Variants in PGM5 observed in about 807,000 individuals in gnomAD.
PGM5 encodes phosphoglucomutase-like protein 5.
PGM5 carries 23 observed loss-of-function variants against 59.2 expected under a neutral mutation model. The ratio of observed to expected loss-of-function variants is 0.39; its 90% CI spans 0.28 to 0.55. PGM5 has a LOEUF of 0.55. Among genes scored for constraint, PGM5 ranks in the 20% least tolerant of loss-of-function variants. The probability of loss-of-function intolerance (pLI) is 0.66; values close to 1 mark genes in which losing one functional copy is unlikely to be tolerated. For missense variants in PGM5, 574 were observed against 748.3 expected (o/e 0.77, Z 2.72); for synonymous variants, 214 against 286.0 (o/e 0.75, Z 2.54).
intron 6 of PGM5, among the ~76,000 whole-genome samples, chr9:68,457,581 T>C (rs1823798695): frequency 6.6e-6 from 1 of 152,244 alleles, no homozygotes; most frequent in African/African-American, 2.4e-5. Flanking sequence ...CCCTCATGTC[T>C]TATGACATAG....
intron 6 of PGM5, among the ~76,000 whole-genome samples, chr9:68,449,175 A>G (rs1375116653): frequency 1.3e-5 from 2 of 152,212 alleles, no homozygotes; most frequent in Non-Finnish European, 2.9e-5. Flanking sequence ...CTTCACCTTC[A>G]TGAACTAATC....
intron 7 of PGM5, among the ~76,000 whole-genome samples, chr9:68,475,847 A>G (rs1189227656): frequency 6.6e-6 from 1 of 152,178 alleles, no homozygotes; most frequent in African/African-American, 2.4e-5. Context: ...GTGAGACCCC[A>G]TCTCTAAAAA....
chr9:68,473,794 A>G (rs375371558), intron 7 of PGM5, among the ~76,000 whole-genome samples: 1 of 152,136 alleles, frequency 6.6e-6, no homozygotes, highest in Admixed American at 6.5e-5. Context: ...AACCAGGATA[A>G]GTTGGTCACT....
intron 6 of PGM5, among the ~76,000 whole-genome samples, chr9:68,425,982 G>A (rs1269552314): frequency 6.6e-6 from 1 of 152,096 alleles, no homozygotes; most frequent in African/African-American, 2.4e-5. Context: ...TTTTTATAGT[G>A]GTAGTGGTTG....
At chr9:68,490,429 A>T (rs1356697571) in intron 9 of PGM5, among the ~76,000 whole-genome samples, 1 of 152,186 alleles carries the variant, frequency 6.6e-6, no homozygotes, top group Non-Finnish European at 1.5e-5. Flanking sequence ...TCACTGCAAC[A>T]CTGCAACCTC....
chr9:68,404,663 G>A (rs1401942737), intron 6 of PGM5, among the ~76,000 whole-genome samples: 11 of 152,174 alleles, frequency 7.2e-5, no homozygotes, highest in African/African-American at 2.4e-4. Context: ...GCTGCCTGAC[G>A]ATTAAATTTG....
intron 6 of PGM5, among the ~76,000 whole-genome samples, chr9:68,418,042 C>T (rs1007108975): frequency 6.6e-6 from 1 of 152,236 alleles, no homozygotes; most frequent in Non-Finnish European, 1.5e-5. Flanking sequence ...TCTTGTTTTG[C>T]TGTTTCTCCC....
chr9:68,527,086 G>C (rs984620297), intron 10 of PGM5, among the ~76,000 whole-genome samples: 1 of 152,162 alleles, frequency 6.6e-6, no homozygotes, highest in Non-Finnish European at 1.5e-5. Flanking sequence ...TGGAAAGCAC[G>C]CGTTAGTTTG....
chr9:68,359,833 CT>C (rs1310648473), intron 1 of PGM5, among the ~76,000 whole-genome samples: 1 of 152,174 alleles, frequency 6.6e-6, no homozygotes, highest in African/African-American at 2.4e-5. Flanking sequence ...AAGCAATTTT[CT>C]TTTTTTAAAT....
At chr9:68,515,603 A>T (rs1196477301) in intron 10 of PGM5, among the ~76,000 whole-genome samples, 1 of 152,184 alleles carries the variant, frequency 6.6e-6, no homozygotes. Context: ...GTTGCACACA[A>T]ACAGAAATGC....
At chr9:68,424,825 G>C (rs1055473435) in intron 6 of PGM5, among the ~76,000 whole-genome samples, 1 of 152,188 alleles carries the variant, frequency 6.6e-6, no homozygotes, top group Non-Finnish European at 1.5e-5. Context: ...TAGGGGACTA[G>C]TGGGAGGTTG....
chr9:68,433,974 A>G (rs1219568890), intron 6 of PGM5, among the ~76,000 whole-genome samples: 1 of 152,188 alleles, frequency 6.6e-6, no homozygotes, highest in African/African-American at 2.4e-5. Context: ...CATCCTATTC[A>G]CCAGTTCCTA....
intron 6 of PGM5, among the ~76,000 whole-genome samples, chr9:68,401,430 A>G (rs1368444128): frequency 1.3e-5 from 2 of 152,132 alleles, no homozygotes; most frequent in Non-Finnish European, 2.9e-5. Flanking sequence ...CGGGAAGGGC[A>G]TTGTCGTTAT....
intron 6 of PGM5, among the ~76,000 whole-genome samples, chr9:68,434,622 C>G (rs1554683258): frequency 3.3e-5 from 5 of 152,066 alleles, no homozygotes; most frequent in Non-Finnish European, 7.4e-5. Context: ...GCCTGGACAA[C>G]ATGACAAAAC....
chr9:68,412,282 T>C (rs1313531771), intron 6 of PGM5, among the ~76,000 whole-genome samples: 1 of 152,216 alleles, frequency 6.6e-6, no homozygotes, highest in African/African-American at 2.4e-5. Context: ...AATCTTCAAC[T>C]TTGCTGAATT....
At position 68,443,769 on chromosome 9, in the gene PGM5, T is replaced by C. The variant is rs142440077; in HGVS notation, c.1044-21324T>C. 2.6e-4 allele frequency among the ~76,000 whole-genome samples: 40 copies of C among 152,362 alleles called. No homozygotes were observed. The East Asian group carries it at 7.7e-3, about 29-fold the overall frequency. On this transcript the variant is annotated intron_variant, in intron 6 of 10. Coordinates refer to ENST00000396396, the MANE Select transcript of PGM5 (RefSeq NM_021965.4). The stretch of plus-strand genomic sequence containing the variant: ...CAAACAGAAAACATAAATATTTGTA[T>C]AGCTTTGTAACAAAAGAGCAATATG...
chr9:68,444,043 T>C (rs1823572036), intron 6 of PGM5, among the ~76,000 whole-genome samples: 1 of 151,092 alleles, frequency 6.6e-6, no homozygotes, highest in Admixed American at 6.6e-5. Flanking sequence ...CTTAGAAGAG[T>C]CTCTCTCTTT....
chr9:68,504,483 C>A (rs1466466938), intron 10 of PGM5, among the ~76,000 whole-genome samples: 1 of 152,206 alleles, frequency 6.6e-6, no homozygotes, highest in Non-Finnish European at 1.5e-5. Flanking sequence ...TCTTTCTCCA[C>A]TCCAACCGCT....
intron 6 of PGM5, among the ~76,000 whole-genome samples, chr9:68,459,108 T>C (rs1823820496): frequency 1.3e-5 from 2 of 152,228 alleles, no homozygotes; most frequent in Non-Finnish European, 2.9e-5. Context: ...AAACTCCATC[T>C]TCAGTAGTTT....
Sources: allele counts gnomAD v4.1 joint callset (sites outside exome capture counted in the v4.1 genomes callset), GRCh38; gene constraint gnomAD v4.1.1; transcripts MANE v1.5; gene names NCBI Gene and HGNC (gene_info 2026-07-23, HGNC 2026-07-21).